Variants in AGPS observed in about 807,000 individuals in gnomAD.
The protein encoded by AGPS is alkylglycerone phosphate synthase, also known as alkyldihydroxyacetonephosphate synthase, peroxisomal.
In AGPS, 26 loss-of-function variants were observed where a neutral mutation model predicts 90.7. The observed-to-expected ratio is 0.29, with a 90% CI of 0.21 to 0.40. The LOEUF (loss-of-function observed/expected upper bound fraction) is 0.40, where lower values mean the gene tolerates loss of function less well. AGPS is among the 10% of genes least tolerant of loss of function. The pLI, the probability that AGPS is intolerant of heterozygous loss-of-function variation, is 1.00. For synonymous variants in AGPS, 294 were observed against 285.3 expected (o/e 1.03, Z -0.31); for missense variants, 540 against 816.1 (o/e 0.66, Z 4.12).
chr2:177,464,169 G>T (rs1687380479), intron 9 of AGPS, among the ~76,000 whole-genome samples: 1 of 152,150 alleles, frequency 6.6e-6, no homozygotes, highest in Non-Finnish European at 1.5e-5. Flanking sequence ...TTGAACTCCT[G>T]ACCTGAGGTA....
chr2:177,514,631 G>A (rs913405471), intron 17 of AGPS, among the ~76,000 whole-genome samples: 3 of 152,094 alleles, frequency 2.0e-5, no homozygotes. Flanking sequence ...ACTGCTAATT[G>A]TATGTGTGTG....
chr2:177,504,902 C>A (rs1688665573), intron 14 of AGPS, among the ~76,000 whole-genome samples: 1 of 151,992 alleles, frequency 6.6e-6, no homozygotes, highest in African/African-American at 2.4e-5. Flanking sequence ...GGGATTAATT[C>A]TAACTAGATC....
chr2:177,459,173 A>C (rs1013534900), intron 8 of AGPS, among the ~76,000 whole-genome samples: 2 of 152,228 alleles, frequency 1.3e-5, no homozygotes, highest in African/African-American at 4.8e-5. Context: ...AATCAACTCA[A>C]GATGGATCAA....
rs116029700 is a variant in AGPS at position 177,519,358 on chromosome 2, C to T, written c.1698-1911C>T. Among the ~76,000 whole-genome samples the T allele has an allele frequency of 1.8e-3, 277 of 152,182 alleles. 1 individual carries two copies. The highest frequency in any genetic ancestry group is 3.4e-3 in the Middle Eastern group (1 of 292). Reference sequence around the variant, plus strand: ...CCTTTCCAGAACACTTTTCCCAATCCGACCTATCCCAATTTTCTTATTCTT... The same window carrying T: ...CCTTTCCAGAACACTTTTCCCAATCTGACCTATCCCAATTTTCTTATTCTT... On this transcript the variant is annotated intron_variant, in intron 17 of 19. Coordinates refer to ENST00000264167, the MANE Select transcript of AGPS (RefSeq NM_003659.4).
At chr2:177,422,115 T>C (rs1213368188) in intron 2 of AGPS, among the ~76,000 whole-genome samples, 1 of 152,088 alleles carries the variant, frequency 6.6e-6, no homozygotes, top group African/African-American at 2.4e-5. Flanking sequence ...TGGCACTTGA[T>C]TTGTCAGTTT....
At chr2:177,505,200 C>T (rs1688674171) in intron 14 of AGPS, among the ~76,000 whole-genome samples, 1 of 151,944 alleles carries the variant, frequency 6.6e-6, no homozygotes, top group South Asian at 2.1e-4. Flanking sequence ...ACAGTAATAA[C>T]ATATGAATAT....
At chr2:177,419,660 A>G (rs1166739975) in intron 1 of AGPS, among the ~76,000 whole-genome samples, 1 of 151,942 alleles carries the variant, frequency 6.6e-6, no homozygotes, top group Non-Finnish European at 1.5e-5. Flanking sequence ...AATTAAAAAT[A>G]GCATGTTATT....
At chr2:177,462,743 G>A (rs1056878196) in intron 9 of AGPS, among the ~76,000 whole-genome samples, 1 of 152,132 alleles carries the variant, frequency 6.6e-6, no homozygotes, top group Admixed American at 6.5e-5. Flanking sequence ...TATTTACATT[G>A]TATTATTCAT....
At chr2:177,487,006 G>T (rs1044806040) in intron 11 of AGPS, among the ~76,000 whole-genome samples, 1 of 152,014 alleles carries the variant, frequency 6.6e-6, no homozygotes, top group Admixed American at 6.6e-5. Context: ...TACATTTCCT[G>T]CTGTAGCCTA....
intron 2 of AGPS, among the ~76,000 whole-genome samples, chr2:177,426,740 T>G (rs1574357955): frequency 6.6e-6 from 1 of 152,050 alleles, no homozygotes; most frequent in East Asian, 1.9e-4. Context: ...GTGGATAAGC[T>G]TTTTGATGTA....
intron 9 of AGPS, among the ~76,000 whole-genome samples, chr2:177,464,567 A>T (rs951634829): frequency 6.6e-6 from 1 of 152,258 alleles, no homozygotes; most frequent in Non-Finnish European, 1.5e-5. Context: ...GTACAATGGG[A>T]TATACTTTTC....
chr2:177,428,375 A>G (rs752134762), intron 2 of AGPS, among the ~76,000 whole-genome samples: 1 of 152,190 alleles, frequency 6.6e-6, no homozygotes, highest in Non-Finnish European at 1.5e-5. Flanking sequence ...GATGCTAGGT[A>G]GTTATTTTGC....
At chr2:177,460,579 G>A (rs745475780) in intron 8 of AGPS, among the ~76,000 whole-genome samples, 2 of 152,182 alleles carry the variant, frequency 1.3e-5, no homozygotes, top group African/African-American at 2.4e-5. Context: ...AGGGCTCCAT[G>A]AATGTCTTTT....
intron 19 of AGPS, among the ~76,000 whole-genome samples, chr2:177,536,554 T>C (rs542506623): frequency 1.3e-5 from 2 of 152,242 alleles, no homozygotes; most frequent in East Asian, 1.9e-4. Context: ...GGCTGAATCA[T>C]AGTCATGGGC....
chr2:177,393,447 T>C (rs1685083176), intron 1 of AGPS: 1 of 985,400 alleles, frequency 1.0e-6, no homozygotes, highest in African/African-American at 1.7e-5. Flanking sequence ...TACTAGATGA[T>C]AGATCATAGG....
intron 12 of AGPS, among the ~76,000 whole-genome samples, chr2:177,496,696 C>T (rs527663434): frequency 3.9e-5 from 6 of 151,952 alleles, no homozygotes; most frequent in African/African-American, 1.2e-4. Context: ...CTATTATAAT[C>T]AGCAAAAATG....
At chr2:177,524,235 A>AATG (rs1317437030) in intron 19 of AGPS, among the ~76,000 whole-genome samples, 1 of 152,224 alleles carries the variant, frequency 6.6e-6, no homozygotes, top group Non-Finnish European at 1.5e-5. Context: ...AAGCTCAGCA[A>AATG]ATTAATCAAG....
At chr2:177,527,198 C>T (rs552753631) in intron 19 of AGPS, among the ~76,000 whole-genome samples, 13 of 152,110 alleles carry the variant, frequency 8.5e-5, no homozygotes, top group East Asian at 3.9e-4. Flanking sequence ...GAGGCCTAGG[C>T]GGGTGGATTG....
intron 13 of AGPS, 72 bp downstream of exon 13, chr2:177,497,837 ACC>A: frequency 1.3e-6 from 1 of 768,706 alleles, no homozygotes; most frequent in Non-Finnish European, 2.1e-6. Flanking sequence ...TCCCACATGC[ACC>A]TATTGTAAGG....
Sources: allele counts gnomAD v4.1 joint callset (sites outside exome capture counted in the v4.1 genomes callset), GRCh38; gene constraint gnomAD v4.1.1; transcripts MANE v1.5; gene names NCBI Gene and HGNC (gene_info 2026-07-23, HGNC 2026-07-21).